Variants in FBXL7 observed in about 807,000 individuals in gnomAD.
FBXL7 encodes F-box/LRR-repeat protein 7.
A neutral mutation model predicts 38.3 loss-of-function variants in FBXL7; 12 were observed. The ratio of observed to expected loss-of-function variants is 0.31; its 90% CI spans 0.20 to 0.51. FBXL7 has a LOEUF of 0.51. Ranked by LOEUF, FBXL7 falls within the 20% of genes least tolerant of loss-of-function variation. The pLI, the probability that FBXL7 is intolerant of heterozygous loss-of-function variation, is 0.98. For synonymous variants in FBXL7, 297 were observed against 300.9 expected (o/e 0.99, Z 0.13); for missense variants, 567 against 676.4 (o/e 0.84, Z 1.79).
chr5:15,564,653 G>A (rs1738513775), intron 1 of FBXL7, among the ~76,000 whole-genome samples: 1 of 152,056 alleles, frequency 6.6e-6, no homozygotes, highest in Admixed American at 6.6e-5. Context: ...ACTGCTCTGT[G>A]ATTTCAGTTT....
At chr5:15,753,806 A>C (rs1194606545) in intron 2 of FBXL7, among the ~76,000 whole-genome samples, 1 of 152,202 alleles carries the variant, frequency 6.6e-6, no homozygotes, top group Non-Finnish European at 1.5e-5. Flanking sequence ...TACATTTATT[A>C]GCATATATTT....
chr5:15,734,955 G>A (rs1735708054), intron 2 of FBXL7, among the ~76,000 whole-genome samples: 1 of 152,132 alleles, frequency 6.6e-6, no homozygotes, highest in Non-Finnish European at 1.5e-5. Context: ...TTTTGAGACA[G>A]AGTTTTGCTC....
At chr5:15,766,568 T>C (rs563455289) in intron 2 of FBXL7, among the ~76,000 whole-genome samples, 1 of 152,330 alleles carries the variant, frequency 6.6e-6, no homozygotes, top group African/African-American at 2.4e-5. Context: ...AAAAGGCTGC[T>C]TTGGAGATTT....
At chr5:15,756,627 G>T (rs1435709335) in intron 2 of FBXL7, among the ~76,000 whole-genome samples, 1 of 152,128 alleles carries the variant, frequency 6.6e-6, no homozygotes, top group African/African-American at 2.4e-5. Context: ...TAGCTGTGCT[G>T]TTCTTAACCA....
At chr5:15,905,917 G>A (rs1188334694) in intron 2 of FBXL7, among the ~76,000 whole-genome samples, 1 of 151,510 alleles carries the variant, frequency 6.6e-6, no homozygotes, top group Admixed American at 6.6e-5. Flanking sequence ...ACTTCCTGGA[G>A]GGAACAGGAA....
chr5:15,821,960 T>C (rs953882266), intron 2 of FBXL7, among the ~76,000 whole-genome samples: 1 of 152,136 alleles, frequency 6.6e-6, no homozygotes, highest in Non-Finnish European at 1.5e-5. Flanking sequence ...CATGAGAGCC[T>C]AATATTTGAG....
At chr5:15,830,181 T>C (rs548231218) in intron 2 of FBXL7, among the ~76,000 whole-genome samples, 1 of 152,004 alleles carries the variant, frequency 6.6e-6, no homozygotes, top group South Asian at 2.1e-4. Context: ...TTCACATAGG[T>C]TTTTGAAAAC....
At chr5:15,882,968 G>GA (rs35569953) in intron 2 of FBXL7, among the ~76,000 whole-genome samples, 137,646 of 151,632 alleles carry the variant, frequency 0.91, 62,526 homozygotes, top group African/African-American at 0.94. Context: ...AATCATTTTA[G>GA]AAAAAAAAAT....
intron 2 of FBXL7, among the ~76,000 whole-genome samples, chr5:15,639,606 T>C (rs2126553753): frequency 6.6e-6 from 1 of 152,170 alleles, no homozygotes; most frequent in Non-Finnish European, 1.5e-5. Flanking sequence ...GTGTCTTTAT[T>C]AGCAGTGTGA....
intron 2 of FBXL7, among the ~76,000 whole-genome samples, chr5:15,873,610 A>T (rs2126829788): frequency 6.6e-6 from 1 of 152,324 alleles, no homozygotes; most frequent in Non-Finnish European, 1.5e-5. Flanking sequence ...CAGAAATACA[A>T]AGTACTCTCA....
chr5:15,799,928 T>G (rs998546832), intron 2 of FBXL7, among the ~76,000 whole-genome samples: 1 of 27,460 alleles, frequency 3.6e-5, no homozygotes, highest in African/African-American at 1.0e-4. Flanking sequence ...TCATAAAGTG[T>G]TTTTTTTTAT....
Position 15,876,787 on chromosome 5 carries a change from A to G in FBXL7, c.128-51103A>G, listed in dbSNP as rs562787689. Among the ~76,000 whole-genome samples, 7 of 152,340 alleles carry G rather than the reference A, an allele frequency of 4.6e-5. No homozygotes were observed. The South Asian group carries it at 1.2e-3, about 27-fold the overall frequency. ...AATAAGCAATTAGAAAACTAAAGTC[A>G]GGTAATGCCTTTTAGAAAGTATTTT... On this transcript the variant is annotated intron_variant, in intron 2 of 3. Coordinates refer to ENST00000504595, the MANE Select transcript of FBXL7 (RefSeq NM_012304.5).
intron 2 of FBXL7, among the ~76,000 whole-genome samples, chr5:15,757,805 G>C (rs1202443411): frequency 6.6e-6 from 1 of 152,106 alleles, no homozygotes; most frequent in Non-Finnish European, 1.5e-5. Flanking sequence ...AATCTCAAAG[G>C]GCTGAAGGAT....
intron 1 of FBXL7, among the ~76,000 whole-genome samples, chr5:15,547,195 T>C (rs1342619097): frequency 2.6e-5 from 4 of 152,182 alleles, no homozygotes; most frequent in African/African-American, 4.8e-5. Context: ...TCCCAGGAAG[T>C]TTGCATCTGC....
intron 3 of FBXL7, among the ~76,000 whole-genome samples, chr5:15,934,674 A>G (rs1018203981): frequency 1.3e-5 from 2 of 152,188 alleles, no homozygotes; most frequent in African/African-American, 2.4e-5. Flanking sequence ...ATCATTAACT[A>G]TAAAACAGAC....
intron 1 of FBXL7, among the ~76,000 whole-genome samples, chr5:15,526,599 A>C (rs1403406886): frequency 2.0e-5 from 3 of 152,184 alleles, no homozygotes; most frequent in Non-Finnish European, 2.9e-5. Context: ...GGGTACTCAA[A>C]GGAACATGGC....
At chr5:15,605,541 T>C (rs960024220) in intron 1 of FBXL7, among the ~76,000 whole-genome samples, 5 of 152,056 alleles carry the variant, frequency 3.3e-5, no homozygotes, top group Non-Finnish European at 7.4e-5. Flanking sequence ...GGCAAATTCA[T>C]AGAGATCAAA....
At chr5:15,667,099 TG>T (rs1561077057) in intron 2 of FBXL7, among the ~76,000 whole-genome samples, 1 of 152,204 alleles carries the variant, frequency 6.6e-6, no homozygotes, top group East Asian at 1.9e-4. Context: ...GATGGTAAAT[TG>T]TAGTCACTAG....
intron 2 of FBXL7, among the ~76,000 whole-genome samples, chr5:15,913,292 A>G (rs542872209): frequency 1.2e-4 from 17 of 146,442 alleles, no homozygotes; most frequent in African/African-American, 4.0e-4. Flanking sequence ...TTATACTCTA[A>G]GTTTTAGGGT....
Sources: allele counts gnomAD v4.1 joint callset (sites outside exome capture counted in the v4.1 genomes callset), GRCh38; gene constraint gnomAD v4.1.1; transcripts MANE v1.5; gene names NCBI Gene and HGNC (gene_info 2026-07-23, HGNC 2026-07-21).